LAMA2: variants seen among roughly 807,000 people sequenced by gnomAD.
LAMA2 encodes laminin subunit alpha 2, also known as laminin subunit alpha-2.
A neutral mutation model predicts 364.8 loss-of-function variants in LAMA2; 269 were observed. The ratio of observed to expected loss-of-function variants is 0.74; its 90% CI spans 0.67 to 0.82. LAMA2 has a LOEUF of 0.82. Among genes scored for constraint, LAMA2 ranks in the 40% least tolerant of loss-of-function variants. LAMA2 has a pLI of 0.00. For synonymous variants in LAMA2, 1,379 were observed against 1,370.6 expected (o/e 1.01, Z -0.14); for missense variants, 3,807 against 3,873.2 (o/e 0.98, Z 0.45).
intron 12 of LAMA2, among the ~76,000 whole-genome samples, chr6:129,218,057 T>C (rs1783543740): frequency 6.6e-6 from 1 of 152,190 alleles, no homozygotes; most frequent in Non-Finnish European, 1.5e-5. Context: ...AGAAACTATC[T>C]GTAATGAATC....
intron 1 of LAMA2, among the ~76,000 whole-genome samples, chr6:128,922,297 T>G (rs1778790598): frequency 1.3e-5 from 2 of 151,230 alleles, no homozygotes; most frequent in South Asian, 4.2e-4. Flanking sequence ...ACTTCCACAA[T>G]GGTTGAACTA....
intron 29 of LAMA2, among the ~76,000 whole-genome samples, chr6:129,330,713 T>C (rs1775596865): frequency 6.6e-6 from 1 of 151,674 alleles, no homozygotes; most frequent in Non-Finnish European, 1.5e-5. Flanking sequence ...TCTTGTTCCT[T>C]ATCTCATGCT....
chr6:129,091,572 G>A (rs955742893), intron 3 of LAMA2, among the ~76,000 whole-genome samples: 1 of 152,168 alleles, frequency 6.6e-6, no homozygotes, highest in African/African-American at 2.4e-5. Flanking sequence ...TGTGGGGGTA[G>A]GGGTAGGAGG....
At chr6:128,916,163 A>T (rs546968285) in intron 1 of LAMA2, among the ~76,000 whole-genome samples, 6 of 152,280 alleles carry the variant, frequency 3.9e-5, no homozygotes, top group African/African-American at 9.6e-5. Context: ...GCAATTTTCA[A>T]TAGCAGTTTA....
intron 1 of LAMA2, among the ~76,000 whole-genome samples, chr6:128,910,963 AG>A (rs1562820903): frequency 6.6e-6 from 1 of 151,326 alleles, no homozygotes; most frequent in African/African-American, 2.5e-5. Context: ...GTCAGGGGTC[AG>A]GGACCCACTT....
chr6:128,915,200 A>G (rs1582666663), intron 1 of LAMA2, among the ~76,000 whole-genome samples: 1 of 152,170 alleles, frequency 6.6e-6, no homozygotes, highest in Admixed American at 6.6e-5. Flanking sequence ...ATGAACATAT[A>G]TTTGCCTCCG....
intron 24 of LAMA2, 98 bp from the exon 25 acceptor site, chr6:129,315,378 G>A: frequency 9.9e-7 from 1 of 1,006,652 alleles, no homozygotes; most frequent in Non-Finnish European, 1.6e-6. Context: ...ATCAGAATGG[G>A]TATAGGAACT....
intron 29 of LAMA2, among the ~76,000 whole-genome samples, chr6:129,337,943 T>C (rs1357667101): frequency 1.3e-5 from 2 of 152,078 alleles, no homozygotes; most frequent in African/African-American, 2.4e-5. Context: ...GTCAAAAAAG[T>C]TTCAAAAAGA....
intron 44 of LAMA2, among the ~76,000 whole-genome samples, chr6:129,443,846 C>T (rs1782236449): frequency 6.6e-6 from 1 of 151,946 alleles, no homozygotes; most frequent in African/African-American, 2.4e-5. Flanking sequence ...CAAGAGTGTC[C>T]TCAGCGGAAA....
In LAMA2 at chr6:129,401,210, A is replaced by G. The variant is rs886061049; in HGVS notation, c.5446-14A>G. The stretch of plus-strand genomic sequence containing the variant: ...AAAATGCAATTTTGATGTCTTGTTC[A>G]TAATGGTCTACAGAAAAAGAAGGAG... On this transcript the variant is annotated splice_polypyrimidine_tract_variant and intron_variant, in intron 37 of 64. Coordinates refer to ENST00000421865, the MANE Select transcript of LAMA2 (RefSeq NM_000426.4). 1 of 1,493,052 alleles carries G rather than the reference A, an allele frequency of 6.7e-7. No homozygotes were observed. The allele number at this position is 1,493,052 out of a possible 1,614,324, so 92.5% of individuals were successfully genotyped here. A position where few individuals can be genotyped will look rare whatever the true frequency, so the allele number is the denominator to read the frequency against.
At chr6:129,016,114 T>C (rs1785057670) in intron 1 of LAMA2, among the ~76,000 whole-genome samples, 1 of 152,066 alleles carries the variant, frequency 6.6e-6, no homozygotes, top group Non-Finnish European at 1.5e-5. Flanking sequence ...TATGACAATG[T>C]TAAAAGTAAA....
chr6:129,502,973 A>G lies in LAMA2; in HGVS notation c.8358-118A>G, dbSNP rs1785768377. On this transcript the variant is annotated intron_variant, in intron 59 of 64. Coordinates refer to ENST00000421865, the MANE Select transcript of LAMA2 (RefSeq NM_000426.4). ...AAATCAGTAGCCTGATAAAGTCCTC[A>G]TCTCTGAGAAGGTTTTACTCTCCTT... The G allele has an allele frequency of 2.6e-5, 27 of 1,030,876 alleles. No homozygotes were observed. In the South Asian group the frequency reaches 3.3e-4, roughly 13 times the overall value. 63.9% of individuals were successfully genotyped at this position (1,030,876 alleles called of 1,614,324 possible).
intron 37 of LAMA2, among the ~76,000 whole-genome samples, chr6:129,399,815 T>C (rs959268851): frequency 2.6e-5 from 4 of 151,768 alleles, no homozygotes; most frequent in African/African-American, 4.8e-5. Flanking sequence ...GGGTATGAAA[T>C]TAGCACTAGC....
chr6:129,102,306 T>A (rs1229432200), intron 4 of LAMA2, among the ~76,000 whole-genome samples: 1 of 151,852 alleles, frequency 6.6e-6, no homozygotes, highest in Non-Finnish European at 1.5e-5. Context: ...CCACTTGATT[T>A]TTGTGTTTTC....
intron 28 of LAMA2, among the ~76,000 whole-genome samples, chr6:129,324,572 A>G (rs1347892268): frequency 6.6e-6 from 1 of 152,156 alleles, no homozygotes; most frequent in Non-Finnish European, 1.5e-5. Context: ...TCGTTAGGTG[A>G]TCTCCTCATT....
chr6:129,010,955 A>C (rs1784734165), intron 1 of LAMA2, among the ~76,000 whole-genome samples: 1 of 152,072 alleles, frequency 6.6e-6, no homozygotes, highest in Non-Finnish European at 1.5e-5. Context: ...TTGATTTCAA[A>C]TTTTATTTGT....
intron 38 of LAMA2, among the ~76,000 whole-genome samples, chr6:129,401,738 G>T (rs778668864): frequency 6.6e-6 from 1 of 152,210 alleles, no homozygotes; most frequent in African/African-American, 2.4e-5. Flanking sequence ...TCATAGAAAT[G>T]CAAATGGCCT....
chr6:128,963,941 TGTAA>T (rs1781690042), intron 1 of LAMA2, among the ~76,000 whole-genome samples: 1 of 152,136 alleles, frequency 6.6e-6, no homozygotes, highest in Non-Finnish European at 1.5e-5. Flanking sequence ...TAAACCAACA[TGTAA>T]ATGTTTGTAT....
At chr6:128,975,745 G>A (rs975301419) in intron 1 of LAMA2, among the ~76,000 whole-genome samples, 3 of 152,226 alleles carry the variant, frequency 2.0e-5, no homozygotes, top group Admixed American at 6.5e-5. Flanking sequence ...CTGCCACCAT[G>A]TAAGACGTGA....
Sources: allele counts gnomAD v4.1 joint callset (sites outside exome capture counted in the v4.1 genomes callset), GRCh38; gene constraint gnomAD v4.1.1; transcripts MANE v1.5; gene names NCBI Gene and HGNC (gene_info 2026-07-23, HGNC 2026-07-21).